The following MAP3K13 variants were observed in gnomAD, a reference collection of about 807,000 sequenced individuals.
The protein encoded by MAP3K13 is leucine zipper-bearing kinase.
MAP3K13 carries 52 observed loss-of-function variants against 104.0 expected under a neutral mutation model. The observed-to-expected ratio is 0.50, with a 90% CI of 0.40 to 0.63. MAP3K13 has a LOEUF of 0.63. Among genes scored for constraint, MAP3K13 ranks in the 20% least tolerant of loss-of-function variants. The pLI is 0.00. For missense variants in MAP3K13, 914 were observed against 1,218.5 expected, an observed-to-expected ratio of 0.75 and a Z score of 3.72; for synonymous variants, 394 against 442.2, an observed-to-expected ratio of 0.89 and a Z score of 1.37.
rs1437890488 is a variant in MAP3K13, at chr3:185,417,902, A to G, written c.-85-10595A>G. 2.2e-5 allele frequency: 36 copies of G among 1,604,088 alleles called. No individual in the cohort carries two copies. The East Asian group carries it at 6.5e-4, about 29-fold the overall frequency. The stretch of plus-strand genomic sequence containing the variant: ...GCTCTTTGGATCTCTGGGCTTTTCA[A>G]GATTCTGCTAAGATCTGTATTAATC... On this transcript the variant is annotated intron_variant, in intron 1 of 13. Coordinates refer to ENST00000265026, the MANE Select transcript of MAP3K13 (RefSeq NM_004721.5).
intron 1 of MAP3K13, among the ~76,000 whole-genome samples, chr3:185,395,486 G>A (rs1439608841): frequency 7.5e-5 from 8 of 106,224 alleles, no homozygotes; most frequent in Non-Finnish European, 1.3e-4. Context: ...AGCCTCCCAA[G>A]TAGCTGGGAC....
At chr3:185,400,479 CAGATGATTAACAT>C (rs1163422534) in intron 1 of MAP3K13, among the ~76,000 whole-genome samples, 6 of 152,344 alleles carry the variant, frequency 3.9e-5, no homozygotes, top group South Asian at 2.1e-4. Flanking sequence ...TTGCTTAACA[CAGATGATTAACAT>C]AGATGATTAA....
chr3:185,438,015 G>A (rs536804043), intron 3 of MAP3K13, among the ~76,000 whole-genome samples: 25 of 152,186 alleles, frequency 1.6e-4, no homozygotes, highest in African/African-American at 3.1e-4. Flanking sequence ...AAAGTTGGCC[G>A]GGCGCAGTGG....
At chr3:185,342,406 A>G (rs1722754353) in intron 2 of MAP3K13, among the ~76,000 whole-genome samples, 1 of 152,202 alleles carries the variant, frequency 6.6e-6, no homozygotes. Context: ...TTGCTATTTT[A>G]GAAACATACT....
chr3:185,317,340 T>C (rs1721714161), intron 2 of MAP3K13, among the ~76,000 whole-genome samples: 1 of 152,216 alleles, frequency 6.6e-6, no homozygotes, highest in African/African-American at 2.4e-5. Context: ...GTCCTTCCTG[T>C]TGCCTATGAC....
chr3:185,466,209 G>A (rs1223470151), intron 9 of MAP3K13, among the ~76,000 whole-genome samples: 1 of 152,142 alleles, frequency 6.6e-6, no homozygotes, highest in East Asian at 1.9e-4. Flanking sequence ...TCCTGATGGT[G>A]GCAAGAAAAC....
intron 2 of MAP3K13, among the ~76,000 whole-genome samples, chr3:185,327,502 T>C: frequency 1.7e-5 from 1 of 57,534 alleles, no homozygotes; most frequent in East Asian, 5.1e-4. Flanking sequence ...AGAGTCAGAC[T>C]GAAAAGAATT....
At position 185,459,087 on chromosome 3, in the gene MAP3K13, A is replaced by G. The variant is rs537061673; in HGVS notation, c.1279-4463A>G. Among the ~76,000 whole-genome samples the G allele has an allele frequency of 2.7e-3, 410 of 152,210 alleles. 4 individuals are homozygous for G. The highest frequency in any genetic ancestry group is 4.2e-3 in the East Asian group (22 of 5,182). On this transcript the variant is annotated intron_variant, in intron 7 of 13. Coordinates refer to ENST00000265026, the MANE Select transcript of MAP3K13 (RefSeq NM_004721.5). ...CACCCTGCTGCCTTTGCATCATTCT[A>G]GTGTTCTCTTGAGTGCCATTGTGAC...
At chr3:185,465,331 G>C (rs976965883) in intron 8 of MAP3K13, among the ~76,000 whole-genome samples, 3 of 151,772 alleles carry the variant, frequency 2.0e-5, no homozygotes, top group African/African-American at 7.2e-5. Flanking sequence ...TATAAATCTG[G>C]GGGGCACAAA....
intron 2 of MAP3K13, among the ~76,000 whole-genome samples, chr3:185,290,148 A>C (rs1340411931): frequency 2.0e-5 from 3 of 152,202 alleles, no homozygotes; most frequent in Admixed American, 2.0e-4. Flanking sequence ...ATTCAAGTAG[A>C]GCAAGAACAA....
intron 2 of MAP3K13, among the ~76,000 whole-genome samples, chr3:185,300,038 T>C (rs907167134): frequency 3.3e-5 from 5 of 152,244 alleles, no homozygotes; most frequent in Non-Finnish European, 5.9e-5. Flanking sequence ...AGCACCATTC[T>C]ACTTCCCATT....
chr3:185,358,855 G>T (rs1723484805), upstream of MAP3K13, among the ~76,000 whole-genome samples: 1 of 152,108 alleles, frequency 6.6e-6, no homozygotes, highest in African/African-American at 2.4e-5. Flanking sequence ...AAATGTAGCT[G>T]CTTTTTAAAA....
At chr3:185,293,501 T>G (rs1560036262) in intron 2 of MAP3K13, among the ~76,000 whole-genome samples, 1 of 151,960 alleles carries the variant, frequency 6.6e-6, no homozygotes, top group Non-Finnish European at 1.5e-5. Flanking sequence ...ATGGCTCACT[T>G]CAGCCTTGAC....
chr3:185,322,234 T>G (rs949390602), intron 2 of MAP3K13, among the ~76,000 whole-genome samples: 1 of 152,228 alleles, frequency 6.6e-6, no homozygotes. Flanking sequence ...GGCCTTTAAA[T>G]CAGAAGGGCT....
chr3:185,368,915 C>T (rs935415144), intron 1 of MAP3K13, among the ~76,000 whole-genome samples: 2 of 149,668 alleles, frequency 1.3e-5, no homozygotes, highest in African/African-American at 4.9e-5. Context: ...GCCGAGATTG[C>T]ACCACTGCAC....
intron 2 of MAP3K13, among the ~76,000 whole-genome samples, chr3:185,338,118 C>G (rs910420701): frequency 6.6e-6 from 1 of 151,994 alleles, no homozygotes; most frequent in Non-Finnish European, 1.5e-5. Flanking sequence ...AACTTGAGCC[C>G]AGGAGTTCGA....
intron 7 of MAP3K13, among the ~76,000 whole-genome samples, chr3:185,459,971 T>G (rs1410004942): frequency 6.6e-6 from 1 of 152,200 alleles, no homozygotes; most frequent in Non-Finnish European, 1.5e-5. Context: ...GTACAATATT[T>G]GTTCGTTTGT....
chr3:185,418,394 C>A lies in MAP3K13; in HGVS notation c.-85-10103C>A. On this transcript the variant is annotated intron_variant, in intron 1 of 13. Coordinates refer to ENST00000265026, the MANE Select transcript of MAP3K13 (RefSeq NM_004721.5). The surrounding 1 kb of genome is among the most constrained non-coding windows in gnomAD (Gnocchi z 4.5). The stretch of plus-strand genomic sequence containing the variant: ...ACCAGTGCTGGTAGGGCTGAGGCAG[C>A]CAGGGCAGAACAGATGGCATATCGT... 1.9e-6 allele frequency: 3 copies of A among 1,605,946 alleles called. No homozygotes were observed. The highest frequency in any genetic ancestry group is 2.6e-6 in the Non-Finnish European group (3 of 1,174,378).
At chr3:185,379,231 T>A (rs1010694723) in intron 1 of MAP3K13, among the ~76,000 whole-genome samples, 2 of 152,036 alleles carry the variant, frequency 1.3e-5, no homozygotes, top group African/African-American at 2.4e-5. Context: ...CAGAGAGGCA[T>A]CCCCGCAGTG....
Sources: gnomAD v4.1 joint callset for allele counts (sites outside exome capture counted in the v4.1 genomes callset) on GRCh38, gnomAD v4.1.1 for gene constraint, Gnocchi (gnomAD v3.1) non-coding constraint, MANE v1.5 for transcripts, NCBI Gene and HGNC (gene_info 2026-07-23, HGNC 2026-07-21) for gene names.